MARCHF1: variants seen among roughly 807,000 people sequenced by gnomAD.
MARCHF1 encodes the protein membrane associated ring-CH-type finger 1, also known as E3 ubiquitin-protein ligase MARCHF1.
A neutral mutation model predicts 54.2 loss-of-function variants in MARCHF1; 40 were observed. The ratio of observed to expected loss-of-function variants is 0.74; its 90% CI spans 0.57 to 0.96. The LOEUF is 0.96. Among genes scored for constraint, MARCHF1 ranks in the 40% least tolerant of loss-of-function variants. The pLI, the probability that MARCHF1 is intolerant of heterozygous loss-of-function variation, is 0.00. For synonymous variants in MARCHF1, 236 were observed against 236.3 expected (o/e 1.00, Z 0.01); for missense variants, 586 against 656.5 (o/e 0.89, Z 1.17).
intron 3 of MARCHF1, among the ~76,000 whole-genome samples, chr4:163,938,798 G>A (rs970347261): frequency 2.0e-5 from 3 of 152,150 alleles, no homozygotes; most frequent in African/African-American, 7.2e-5. Flanking sequence ...GCAGCAAGGA[G>A]AAGCGCAGAG....
intron 3 of MARCHF1, among the ~76,000 whole-genome samples, chr4:163,975,553 A>C (rs976572591): frequency 6.6e-6 from 1 of 152,228 alleles, no homozygotes; most frequent in African/African-American, 2.4e-5. Flanking sequence ...AAAATGCCGC[A>C]AGTCAAATAT....
At chr4:163,950,064 T>A (rs552395649) in intron 3 of MARCHF1, among the ~76,000 whole-genome samples, 3 of 152,236 alleles carry the variant, frequency 2.0e-5, no homozygotes, top group Admixed American at 6.5e-5. Context: ...CACCATAAGT[T>A]CTCACTCTGG....
chr4:164,196,401 A>T (rs1731259980), intron 1 of MARCHF1, among the ~76,000 whole-genome samples: 1 of 151,350 alleles, frequency 6.6e-6, no homozygotes, highest in Non-Finnish European at 1.5e-5. Flanking sequence ...CATTGTTTTA[A>T]TAAATAAAAT....
At chr4:163,607,058 GT>G (rs1184716676) in intron 7 of MARCHF1, among the ~76,000 whole-genome samples, 5 of 152,080 alleles carry the variant, frequency 3.3e-5, no homozygotes, top group Non-Finnish European at 7.4e-5. Context: ...TTTGTCTGCA[GT>G]TGGAGGAAAT....
chr4:163,749,656 C>T (rs1198637103), intron 4 of MARCHF1, among the ~76,000 whole-genome samples: 1 of 151,978 alleles, frequency 6.6e-6, no homozygotes, highest in Non-Finnish European at 1.5e-5. Flanking sequence ...TTTTATTAAA[C>T]ACATTTTCTG....
intron 2 of MARCHF1, among the ~76,000 whole-genome samples, chr4:164,096,831 A>G (rs1184010873): frequency 6.6e-6 from 1 of 152,200 alleles, no homozygotes; most frequent in African/African-American, 2.4e-5. Context: ...AGCCATAAGT[A>G]TCATATAAAT....
At chr4:164,146,493 G>A (rs1029979862) in intron 1 of MARCHF1, among the ~76,000 whole-genome samples, 1 of 152,150 alleles carries the variant, frequency 6.6e-6, no homozygotes, top group Non-Finnish European at 1.5e-5. Context: ...CAATGGATCA[G>A]AACAGAGCCC....
intron 4 of MARCHF1, among the ~76,000 whole-genome samples, chr4:163,701,108 G>A (rs1744797959): frequency 6.6e-6 from 1 of 152,106 alleles, no homozygotes; most frequent in South Asian, 2.1e-4. Context: ...CAGGTTACAA[G>A]TATTTGTTTC....
At chr4:163,652,152 T>C (rs956815695) in intron 5 of MARCHF1, among the ~76,000 whole-genome samples, 1 of 151,864 alleles carries the variant, frequency 6.6e-6, no homozygotes, top group African/African-American at 2.4e-5. Context: ...TCTGAGTCTC[T>C]TGGGCTTTTT....
At chr4:164,274,974 C>T (rs1359989929) in intron 1 of MARCHF1, among the ~76,000 whole-genome samples, 3 of 151,084 alleles carry the variant, frequency 2.0e-5, no homozygotes, top group African/African-American at 7.3e-5. Flanking sequence ...CCACGCCCGG[C>T]CAGGGTACAC....
chr4:163,940,637 T>C (rs1419383936), intron 3 of MARCHF1, among the ~76,000 whole-genome samples: 3 of 152,110 alleles, frequency 2.0e-5, no homozygotes, highest in Non-Finnish European at 4.4e-5. Context: ...ACAAATCACA[T>C]AGCTGTTTAC....
Position 163,550,911 on chromosome 4 carries a change from ACT to A in MARCHF1, c.1192-5170_1192-5169del, listed in dbSNP as rs369163691. Among the ~76,000 whole-genome samples the A allele has an allele frequency of 6.4e-3, 971 of 152,176 alleles. 9 individuals are homozygous for A. The highest frequency in any genetic ancestry group is 0.011 in the Non-Finnish European group (757 of 67,992). On this transcript the variant is annotated intron_variant, in intron 8 of 9. Coordinates refer to ENST00000514618, the MANE Select transcript of MARCHF1 (RefSeq NM_001394959.1). Reference sequence around the variant, plus strand: ...CCACACCAAACTCACGGAATCAGAAACTCTGGCGATGGGGACCCTGTAATGTG... The same window carrying A: ...CCACACCAAACTCACGGAATCAGAAACTGGCGATGGGGACCCTGTAATGTG...
intron 5 of MARCHF1, among the ~76,000 whole-genome samples, chr4:163,693,423 C>T (rs1199082299): frequency 6.6e-6 from 1 of 151,342 alleles, no homozygotes; most frequent in East Asian, 2.0e-4. Context: ...CAGAAAGCTG[C>T]AGTTCTGAGT....
intron 1 of MARCHF1, among the ~76,000 whole-genome samples, chr4:164,297,761 A>G (rs1200829438): frequency 6.6e-6 from 1 of 152,212 alleles, no homozygotes; most frequent in Non-Finnish European, 1.5e-5. Flanking sequence ...AATACAATAC[A>G]GGAATTGTAC....
intron 5 of MARCHF1, among the ~76,000 whole-genome samples, chr4:163,668,348 C>T (rs889414171): frequency 4.6e-5 from 7 of 152,242 alleles, no homozygotes; most frequent in African/African-American, 1.7e-4. Context: ...TAGTAAGTAC[C>T]TGCCCTCAAG....
intron 5 of MARCHF1, among the ~76,000 whole-genome samples, chr4:163,659,867 T>A (rs1307374397): frequency 6.6e-6 from 1 of 152,022 alleles, no homozygotes; most frequent in Admixed American, 6.6e-5. Context: ...CTCGCACCAG[T>A]CAGAATGGCG....
intron 2 of MARCHF1, among the ~76,000 whole-genome samples, chr4:164,032,231 T>G (rs1399452705): frequency 6.6e-6 from 1 of 152,174 alleles, no homozygotes; most frequent in Non-Finnish European, 1.5e-5. Context: ...CTTTTCTCCT[T>G]TATTAGTCTA....
At chr4:163,682,843 G>A (rs1273491827) in intron 5 of MARCHF1, among the ~76,000 whole-genome samples, 1 of 152,140 alleles carries the variant, frequency 6.6e-6, no homozygotes, top group African/African-American at 2.4e-5. Context: ...CCCAAGCCAT[G>A]CTAAACTGTG....
chr4:163,642,756 A>T (rs62334324), intron 5 of MARCHF1, among the ~76,000 whole-genome samples: 8 of 152,154 alleles, frequency 5.3e-5, no homozygotes, highest in Non-Finnish European at 7.4e-5. Flanking sequence ...TGAGTCTGTC[A>T]AAATAATCTT....
Sources: gnomAD v4.1 joint callset for allele counts (sites outside exome capture counted in the v4.1 genomes callset) on GRCh38, gnomAD v4.1.1 for gene constraint, MANE v1.5 for transcripts, NCBI Gene and HGNC (gene_info 2026-07-23, HGNC 2026-07-21) for gene names.